The following PCSK2 variants were observed in gnomAD, a reference collection of about 807,000 sequenced individuals.
The protein encoded by PCSK2 is neuroendocrine convertase 2.
PCSK2 carries 14 observed loss-of-function variants against 69.7 expected under a neutral mutation model. The ratio of observed to expected loss-of-function variants is 0.20; its 90% CI spans 0.13 to 0.31. The LOEUF (loss-of-function observed/expected upper bound fraction) is 0.31. PCSK2 is among the 10% of genes least tolerant of loss of function. The pLI is 1.00. For missense variants in PCSK2, 544 were observed against 842.5 expected (o/e 0.65, Z 4.39); for synonymous variants, 307 against 320.7 (o/e 0.96, Z 0.46).
intron 6 of PCSK2, among the ~76,000 whole-genome samples, chr20:17,419,406 C>T (rs1446836698): frequency 2.6e-5 from 4 of 152,162 alleles, no homozygotes; most frequent in East Asian, 1.9e-4. Context: ...ATAATTTTCT[C>T]TTAGCTTGCA....
intron 2 of PCSK2, among the ~76,000 whole-genome samples, chr20:17,344,337 G>T (rs532643692): frequency 9.9e-5 from 15 of 151,768 alleles, no homozygotes; most frequent in African/African-American, 3.6e-4. Context: ...TCAGACATAT[G>T]CCAATTGCAA....
intron 3 of PCSK2, among the ~76,000 whole-genome samples, chr20:17,359,288 G>T (rs1197856547): frequency 6.6e-6 from 1 of 152,170 alleles, no homozygotes; most frequent in East Asian, 1.9e-4. Flanking sequence ...TTTTGGCATG[G>T]AAGTCCGAAA....
At chr20:17,405,085 C>T (rs546731919) in intron 5 of PCSK2, among the ~76,000 whole-genome samples, 1 of 152,330 alleles carries the variant, frequency 6.6e-6, no homozygotes, top group East Asian at 1.9e-4. Flanking sequence ...GGGCAACGTG[C>T]TTGCCAGCTT....
chr20:17,229,301 C>A (rs1238608180), intron 1 of PCSK2, among the ~76,000 whole-genome samples: 1 of 151,562 alleles, frequency 6.6e-6, no homozygotes, highest in Admixed American at 6.6e-5. Flanking sequence ...TCCTTAGTAC[C>A]CACCCAAGCA....
At chr20:17,455,311 C>G (rs1480239322) in intron 9 of PCSK2, among the ~76,000 whole-genome samples, 1 of 152,168 alleles carries the variant, frequency 6.6e-6, no homozygotes, top group Non-Finnish European at 1.5e-5. Flanking sequence ...ATCCTACAGA[C>G]AGAGGAAGAA....
chr20:17,234,018 A>G (rs566203164), intron 1 of PCSK2, among the ~76,000 whole-genome samples: 1 of 152,344 alleles, frequency 6.6e-6, no homozygotes, highest in Non-Finnish European at 1.5e-5. Context: ...TGGTCCGTGA[A>G]TTAGAAGACC....
intron 11 of PCSK2, chr20:17,479,082 CAGTT>C (rs1189866584): frequency 1.6e-6 from 2 of 1,276,240 alleles, no homozygotes; most frequent in East Asian, 2.3e-5. Context: ...CATTTTTAGT[CAGTT>C]AAAGAACAGC....
intron 5 of PCSK2, among the ~76,000 whole-genome samples, chr20:17,403,620 G>A (rs1353983513): frequency 6.6e-6 from 1 of 152,202 alleles, no homozygotes; most frequent in South Asian, 2.1e-4. Flanking sequence ...AGCTAATACT[G>A]TTACACAGCT....
rs146942150 is a variant in PCSK2 at position 17,255,057 on chromosome 20, A to G, written c.178-5183A>G. On this transcript the variant is annotated intron_variant, in intron 1 of 11. Coordinates refer to ENST00000262545, the MANE Select transcript of PCSK2 (RefSeq NM_002594.5). Reference sequence around the variant, plus strand: ...TGCTGACTCTTTTGTCAATTCTAATAATTTTTCTGGATTCATTATAAATTT... The same window carrying G: ...TGCTGACTCTTTTGTCAATTCTAATGATTTTTCTGGATTCATTATAAATTT... 1.3e-3 allele frequency among the ~76,000 whole-genome samples: 203 copies of G among 152,310 alleles called. 2 individuals are homozygous for G. The highest frequency in any genetic ancestry group is 4.5e-3 in the African/African-American group (189 of 41,592).
Position 17,297,555 on chromosome 20 carries a change from G to A in PCSK2, c.282+37211G>A, listed in dbSNP as rs1988935499. Among the ~76,000 whole-genome samples, 4 of 152,224 alleles carry A rather than the reference G, an allele frequency of 2.6e-5. No homozygotes were observed. The South Asian group carries it at 8.3e-4, about 32-fold the overall frequency. On this transcript the variant is annotated intron_variant, in intron 2 of 11. Coordinates refer to ENST00000262545, the MANE Select transcript of PCSK2 (RefSeq NM_002594.5). ...TTCAGGCTGCAGGAGGGGCTCAGGGGGTTGCCATGGGTCTCTTTCCAGGAC... is the reference window on the plus strand; with the variant it reads ...TTCAGGCTGCAGGAGGGGCTCAGGGAGTTGCCATGGGTCTCTTTCCAGGAC...
chr20:17,282,650 G>A (rs1988360524), intron 2 of PCSK2, among the ~76,000 whole-genome samples: 1 of 147,360 alleles, frequency 6.8e-6, no homozygotes, highest in South Asian at 2.1e-4. Flanking sequence ...TTAATTAAAG[G>A]AAAGAGATTT....
At chr20:17,357,996 T>C (rs2030261093) in intron 2 of PCSK2, among the ~76,000 whole-genome samples, 1 of 151,708 alleles carries the variant, frequency 6.6e-6, no homozygotes, top group African/African-American at 2.4e-5. Flanking sequence ...CAACCATAAG[T>C]AAATGCTCTC....
At chr20:17,458,365 C>T (rs1172660171) in intron 10 of PCSK2, among the ~76,000 whole-genome samples, 1 of 152,092 alleles carries the variant, frequency 6.6e-6, no homozygotes, top group Non-Finnish European at 1.5e-5. Flanking sequence ...AGTCTAATCC[C>T]GAGTGTAAAT....
intron 2 of PCSK2, among the ~76,000 whole-genome samples, chr20:17,267,412 A>G (rs1987660612): frequency 6.6e-6 from 1 of 152,228 alleles, no homozygotes; most frequent in Non-Finnish European, 1.5e-5. Flanking sequence ...GGGCAGAGGT[A>G]TCTTCATGGA....
At chr20:17,264,825 CTGT>C in intron 2 of PCSK2, among the ~76,000 whole-genome samples, 1 of 151,838 alleles carries the variant, frequency 6.6e-6, no homozygotes, top group South Asian at 2.1e-4. Flanking sequence ...AGGGAAAATG[CTGT>C]TATCTTTTGG....
In PCSK2 at chr20:17,433,234, T is replaced by C. The variant is rs147747735; in HGVS notation, c.710-3474T>C. ...TTTCTCTACCAGCTATGAAGTGCTTTCACATATTATTATCACTATTATTAT... is the reference window on the plus strand; with the variant it reads ...TTTCTCTACCAGCTATGAAGTGCTTCCACATATTATTATCACTATTATTAT... On this transcript the variant is annotated intron_variant, in intron 7 of 11. Transcript: ENST00000262545. Among the ~76,000 whole-genome samples, 16 of 152,350 alleles carry C rather than the reference T, an allele frequency of 1.1e-4. No homozygotes were observed. In the East Asian group the frequency reaches 2.3e-3, roughly 22 times the overall value.
chr20:17,249,220 CATT>C (rs1697435433), intron 1 of PCSK2, among the ~76,000 whole-genome samples: 1 of 152,084 alleles, frequency 6.6e-6, no homozygotes, highest in Non-Finnish European at 1.5e-5. Context: ...AAAAATGTTG[CATT>C]AAGTCGGGCG....
intron 9 of PCSK2, 62 bp from the exon 10 acceptor site, chr20:17,456,286 A>G (rs1315598271): frequency 5.9e-6 from 5 of 840,674 alleles, no homozygotes; most frequent in Non-Finnish European, 1.0e-5. Context: ...CCTGCTCCAC[A>G]TTGTGCGGGG....
chr20:17,391,528 G>C (rs1403287987), intron 5 of PCSK2, among the ~76,000 whole-genome samples: 1 of 152,144 alleles, frequency 6.6e-6, no homozygotes, highest in Non-Finnish European at 1.5e-5. Context: ...AAGACAAATG[G>C]AAGGGAGCCT....
Sources: allele counts gnomAD v4.1 joint callset (sites outside exome capture counted in the v4.1 genomes callset), GRCh38; gene constraint gnomAD v4.1.1; transcripts MANE v1.5; gene names NCBI Gene and HGNC (gene_info 2026-07-23, HGNC 2026-07-21).